GPHN: variants seen among roughly 807,000 people sequenced by gnomAD.
The protein encoded by GPHN is gephyrin.
A neutral mutation model predicts 95.5 loss-of-function variants in GPHN; 17 were observed. That is an observed-to-expected ratio of 0.18 (90% CI 0.12 to 0.27). GPHN has a LOEUF of 0.27. Among genes scored for constraint, GPHN ranks in the 10% least tolerant of loss-of-function variants. GPHN has a pLI of 1.00. For missense variants in GPHN, 660 were observed against 978.1 expected, an observed-to-expected ratio of 0.67 and a Z score of 4.34; for synonymous variants, 320 against 322.5, an observed-to-expected ratio of 0.99 and a Z score of 0.08.
the GPHN span, among the ~76,000 whole-genome samples, chr14:67,499,610 A>C: frequency 1.3e-5 from 2 of 152,236 alleles, no homozygotes; most frequent in African/African-American, 4.8e-5. Flanking sequence ...ATGAGTAAAC[A>C]GTATGTAAGA....
intron 2 of GPHN, among the ~76,000 whole-genome samples, chr14:66,757,304 T>G (rs2058592839): frequency 6.6e-6 from 1 of 151,858 alleles, no homozygotes; most frequent in Non-Finnish European, 1.5e-5. Flanking sequence ...TGCACAATAG[T>G]GTGTATACTT....
At chr14:67,442,435 T>C in the GPHN span, among the ~76,000 whole-genome samples, 2 of 152,174 alleles carry the variant, frequency 1.3e-5, no homozygotes, top group Non-Finnish European at 2.9e-5. Context: ...AAATTGTGTG[T>C]GTGTGTACTT....
rs986422754 is a variant in GPHN, at chr14:66,760,236, A to G, written c.144-16228A>G. Among the ~76,000 whole-genome samples, 6 of 152,234 alleles carry G rather than the reference A, an allele frequency of 3.9e-5. 1 individual carries two copies. The highest frequency in any genetic ancestry group is 1.4e-4 in the African/African-American group (6 of 41,458). ...AGCACATAATAAGTTCTCAGTGAAT[A>G]TTCAGTGAAAGAACAAAAGTGTTTA... is the stretch of plus-strand genomic sequence containing the variant. On this transcript the variant is annotated intron_variant, in intron 2 of 22. Transcript: ENST00000478722.
chr14:66,714,906 G>A (rs969370305), intron 2 of GPHN, among the ~76,000 whole-genome samples: 3 of 152,044 alleles, frequency 2.0e-5, no homozygotes, highest in Non-Finnish European at 2.9e-5. Flanking sequence ...TTTTAGCATC[G>A]ATGTTCTTCA....
At chr14:67,056,811 T>TGGGGG (rs113249755) in intron 10 of GPHN, among the ~76,000 whole-genome samples, 1 of 103,876 alleles carries the variant, frequency 9.6e-6, no homozygotes, top group African/African-American at 3.4e-5. Flanking sequence ...ACAGTGGGGG[T>TGGGGG]GGGGGGGGGT....
At chr14:66,813,025 A>G (rs2060822860) in intron 3 of GPHN, among the ~76,000 whole-genome samples, 1 of 152,234 alleles carries the variant, frequency 6.6e-6, no homozygotes, top group South Asian at 2.1e-4. Flanking sequence ...TAGCTAGTTT[A>G]AGAGTTCTAT....
chr14:67,446,842 C>A, the GPHN span, among the ~76,000 whole-genome samples: 1 of 152,178 alleles, frequency 6.6e-6, no homozygotes, highest in South Asian at 2.1e-4. Context: ...GAACTACCAG[C>A]TGCAGCCTGC....
At chr14:67,715,617 TTACTC>T in the GPHN span, among the ~76,000 whole-genome samples, 1 of 152,208 alleles carries the variant, frequency 6.6e-6, no homozygotes, top group Admixed American at 6.5e-5. Flanking sequence ...CATTTCTACT[TTACTC>T]TATTTCAGTC....
Position 66,936,173 on chromosome 14 carries a change from G to T in GPHN, c.828+11881G>T, listed in dbSNP as rs541902996. ...GTGGGCGGATCACCTGAGGTCAGGA[G>T]TTTGAGTCCAGCCTAGCCAACATAG... On this transcript the variant is annotated intron_variant, in intron 8 of 22. Coordinates refer to ENST00000478722, the MANE Select transcript of GPHN (RefSeq NM_020806.5). Among the ~76,000 whole-genome samples, 7 of 152,308 alleles carry T rather than the reference G, an allele frequency of 4.6e-5. No homozygotes were observed. The South Asian group carries it at 1.0e-3, about 23-fold the overall frequency.
the GPHN span, among the ~76,000 whole-genome samples, chr14:67,444,525 A>G: frequency 0.33 from 49,754 of 152,062 alleles, 8,794 homozygotes; most frequent in African/African-American, 0.44. Flanking sequence ...CTCAGAGCTC[A>G]TAAGACCCTT....
chr14:66,730,072 T>A (rs962517139), intron 2 of GPHN, among the ~76,000 whole-genome samples: 10 of 152,244 alleles, frequency 6.6e-5, no homozygotes, highest in Admixed American at 5.9e-4. Context: ...TTATATAATA[T>A]GGTAACTATA....
chr14:67,049,818 G>A (rs577563189), intron 10 of GPHN, among the ~76,000 whole-genome samples: 1 of 152,198 alleles, frequency 6.6e-6, no homozygotes, highest in South Asian at 2.1e-4. Context: ...GCTGAAGTAG[G>A]TTTTTTTATT....
At chr14:67,184,424 C>T (rs756186462), downstream of GPHN, among the ~76,000 whole-genome samples, 2 of 152,012 alleles carry the variant, frequency 1.3e-5, no homozygotes, top group Non-Finnish European at 2.9e-5. Context: ...TAAGTTATAG[C>T]AATTGTGCAG....
At chr14:66,983,436 T>C (rs1189885656) in intron 9 of GPHN, among the ~76,000 whole-genome samples, 1 of 152,230 alleles carries the variant, frequency 6.6e-6, no homozygotes, top group East Asian at 1.9e-4. Context: ...TTTCAAATTC[T>C]TTCTGAAGTT....
the GPHN span, chr14:67,204,972 A>C: frequency 6.3e-7 from 1 of 1,586,768 alleles, no homozygotes; most frequent in South Asian, 1.1e-5. Context: ...TTGTCACAGA[A>C]GTCATAGAAG....
At chr14:67,213,704 G>A in the GPHN span, among the ~76,000 whole-genome samples, 12 of 152,040 alleles carry the variant, frequency 7.9e-5, no homozygotes, top group Admixed American at 5.2e-4. Flanking sequence ...TGGGTCAAAT[G>A]GTATTTCTAG....
intron 9 of GPHN, among the ~76,000 whole-genome samples, chr14:66,988,613 GCATCT>G (rs2071187933): frequency 6.6e-6 from 1 of 151,954 alleles, no homozygotes; most frequent in Admixed American, 6.6e-5. Context: ...CCTTCACGTA[GCATCT>G]TACAAATACT....
chr14:67,626,702 C>T, the GPHN span, among the ~76,000 whole-genome samples: 6 of 152,264 alleles, frequency 3.9e-5, no homozygotes, highest in East Asian at 5.8e-4. Flanking sequence ...TCAAGTGATC[C>T]ACCTGCCTCA....
chr14:66,901,107 A>G (rs936004802), intron 5 of GPHN, among the ~76,000 whole-genome samples: 4 of 151,916 alleles, frequency 2.6e-5, no homozygotes, highest in African/African-American at 9.7e-5. Flanking sequence ...ATGATATCTA[A>G]TTGTAGTTTT....
Sources: gnomAD v4.1 joint callset for allele counts (sites outside exome capture counted in the v4.1 genomes callset) on GRCh38, gnomAD v4.1.1 for gene constraint, MANE v1.5 for transcripts, NCBI Gene and HGNC (gene_info 2026-07-23, HGNC 2026-07-21) for gene names.